EPO: variants seen among roughly 807,000 people sequenced by gnomAD.
EPO encodes epoetin.
A neutral mutation model predicts 24.4 loss-of-function variants in EPO; 12 were observed. The ratio of observed to expected loss-of-function variants is 0.49; its 90% confidence interval spans 0.32 to 0.80. The LOEUF (loss-of-function observed/expected upper bound fraction) is 0.80, where lower values mean the gene tolerates loss of function less well. Among genes scored for constraint, EPO ranks in the 30% least tolerant of loss-of-function variants. EPO has a pLI of 0.04. For missense variants in EPO, 210 were observed against 238.0 expected (o/e 0.88, Z 0.77); for synonymous variants, 107 against 104.0 (o/e 1.03, Z -0.18).
chr7:100,723,413 C>T lies in EPO; in HGVS notation c.*280C>T, dbSNP rs1286779112. ...CAGGGACAGAGCCATGCTGGGAAGA[C>T]GCCTGAGCTCACTCGGCACCCTGCA... On this transcript the variant is annotated 3_prime_UTR_variant, in exon 5 of 5. Coordinates refer to ENST00000252723, the MANE Select transcript of EPO (RefSeq NM_000799.4). 2 of 325,246 alleles carry T rather than the reference C, an allele frequency of 6.1e-6. No homozygotes were observed. The highest frequency in any genetic ancestry group is 1.1e-5 in the Non-Finnish European group (2 of 177,288). 20.1% of individuals were successfully genotyped at this position (325,246 alleles called of 1,614,324 possible).
chr7:100,721,626 G>T lies in EPO; in HGVS notation c.82G>T (p.Ala28Ser), dbSNP rs1056593813. The T allele has an allele frequency of 6.2e-7, 1 of 1,613,784 alleles. No homozygotes were observed. The highest frequency in any genetic ancestry group is 8.5e-7 in the Non-Finnish European group (1 of 1,180,012). Residue 28 changes from alanine to serine, a missense_variant, in exon 2 of 5, where the codon GCC becomes TCC. Coordinates refer to ENST00000252723, the MANE Select transcript of EPO (RefSeq NM_000799.4). The surrounding 1 kb of genome is among the most constrained non-coding windows in gnomAD (Gnocchi z 4.0). ...SLPLGLPVLG[A>S]PPRLICDSRV... Reference sequence around the variant, plus strand: ...CCCTCTGGGCCTCCCAGTCCTGGGCGCCCCACCACGCCTCATCTGTGACAG... The same window carrying T: ...CCCTCTGGGCCTCCCAGTCCTGGGCTCCCCACCACGCCTCATCTGTGACAG...
Position 100,723,186 on chromosome 7 carries a change from T to A in EPO, c.*53T>A. ...CCACCTCCCTCACCAACATTGCTTGTGCCACACCCTCCCCCGCCACTCCTG... is the reference window on the plus strand; with the variant it reads ...CCACCTCCCTCACCAACATTGCTTGAGCCACACCCTCCCCCGCCACTCCTG... On this transcript the variant is annotated 3_prime_UTR_variant, in exon 5 of 5. Transcript: ENST00000252723. The A allele has an allele frequency of 1.3e-6, 2 of 1,557,038 alleles. No homozygotes were observed. Among genetic ancestry groups the A allele is most frequent in the Non-Finnish European group, 1.7e-6 (2 of 1,151,894 alleles).
rs551748179 is a variant in EPO at position 100,722,776 on chromosome 7, T to C, written c.359T>C (p.Leu120Pro). The C allele has an allele frequency of 3.7e-6, 6 of 1,614,074 alleles. 1 individual carries two copies. The South Asian group carries it at 6.6e-5, about 18-fold the overall frequency. Residue 120 changes from leucine to proline, a missense_variant, in exon 4 of 5, where the codon CTG becomes CCG. Physicochemically the swap from Leu to Pro is moderately conservative, Grantham distance 98 (BLOSUM62 -3). Transcript: ENST00000252723. ...NSSQPWEPLQLHVDKAVSGLR... is the reference protein window; with the variant it reads ...NSSQPWEPLQPHVDKAVSGLR... ...TCCCAGCCGTGGGAGCCCCTGCAGCTGCATGTGGATAAAGCCGTCAGTGGC... is the reference window on the plus strand; with the variant it reads ...TCCCAGCCGTGGGAGCCCCTGCAGCCGCATGTGGATAAAGCCGTCAGTGGC...
Position 100,721,105 on chromosome 7 carries a change from T to C in EPO, c.13+112T>C. 8.7e-6 allele frequency: 3 copies of C among 344,014 alleles called. No individual in the cohort carries two copies. The highest frequency in any genetic ancestry group is 2.4e-5 in the African/African-American group (1 of 42,338). The allele number at this position is 344,014 out of a possible 1,614,324, so 21.3% of individuals were successfully genotyped here. ...GCTGGGTTCAAGGACCGGCGACTTG[T>C]CAAGGACCCCGGAAGGGGGAGGGGG... On this transcript the variant is annotated intron_variant, in intron 1 of 4. Transcript: ENST00000252723. This position sits in a 1 kb window ranked among gnomAD's most constrained non-coding sequence, Gnocchi z 4.0.
Position 100,720,935 on chromosome 7 carries a change from A to T in EPO, c.-46A>T, listed in dbSNP as rs756641457. On this transcript the variant is annotated 5_prime_UTR_variant, in exon 1 of 5. Transcript: ENST00000252723. ...CGGGATGAGGGCCCCCGGTGTGGTC[A>T]CCCGGCGCGCCCCAGGTCGCTGAGG... 1 of 1,537,852 alleles carries T rather than the reference A, an allele frequency of 6.5e-7. No individual in the cohort carries two copies. The highest frequency in any genetic ancestry group is 2.0e-5 in the Admixed American group (1 of 50,834).
chr7:100,720,808 C>A lies in EPO; in HGVS notation c.-173C>A. 1 of 720,234 alleles carries A rather than the reference C, an allele frequency of 1.4e-6. No individual in the cohort carries two copies. Among genetic ancestry groups the A allele is most frequent in the Non-Finnish European group, 2.0e-6 (1 of 503,386 alleles). The allele number at this position is 720,234 out of a possible 1,614,324, so 44.6% of individuals were successfully genotyped here. A position where few individuals can be genotyped will look rare whatever the true frequency, so the allele number is the denominator to read the frequency against. On this transcript the variant is annotated 5_prime_UTR_variant, in exon 1 of 5. Coordinates refer to ENST00000252723, the MANE Select transcript of EPO (RefSeq NM_000799.4). ...CCGCACCGCGCTGTCCTCCCGGAGC[C>A]GGACCGGGGCCACCGCGCCCGCTCT...
rs2131439844 is a variant in EPO at position 100,720,812 on chromosome 7, C to A, written c.-169C>A. ...ACCGCGCTGTCCTCCCGGAGCCGGA[C>A]CGGGGCCACCGCGCCCGCTCTGCTC... On this transcript the variant is annotated 5_prime_UTR_variant, in exon 1 of 5. Coordinates refer to ENST00000252723, the MANE Select transcript of EPO (RefSeq NM_000799.4). The A allele has an allele frequency of 1.3e-6, 1 of 761,600 alleles. No individual in the cohort carries two copies. Among genetic ancestry groups the A allele is most frequent in the Non-Finnish European group, 1.9e-6 (1 of 540,354 alleles). The allele number at this position is 761,600 out of a possible 1,614,324, so 47.2% of individuals were successfully genotyped here. A position where few individuals can be genotyped will look rare whatever the true frequency, so the allele number is the denominator to read the frequency against.
In EPO at chr7:100,721,744, C is replaced by A. The variant is rs372329986; in HGVS notation, c.159+41C>A. The A allele has an allele frequency of 2.9e-4, 465 of 1,581,628 alleles. 2 individuals carry two copies. Among genetic ancestry groups the A allele is most frequent in the Non-Finnish European group, 3.5e-4 (409 of 1,168,370 alleles). ...CAGCACATTCCACAGAACTCACGCT[C>A]AGGGCTTCAGGGAACTCCTCCCAGA... is the stretch of plus-strand genomic sequence containing the variant. On this transcript the variant is annotated intron_variant, in intron 2 of 4. Coordinates refer to ENST00000252723, the MANE Select transcript of EPO (RefSeq NM_000799.4). This position sits in a 1 kb window ranked among gnomAD's most constrained non-coding sequence, Gnocchi z 4.0.
In EPO at chr7:100,722,794, T is replaced by C. The variant is rs1440136608; in HGVS notation, c.377T>C (p.Val126Ala). The C allele has an allele frequency of 6.2e-7, 1 of 1,613,894 alleles. No homozygotes were observed. Among genetic ancestry groups the C allele is most frequent in the Non-Finnish European group, 8.5e-7 (1 of 1,179,998 alleles). The change falls in exon 4 of 5, where the codon GTC becomes GCC. Residue 126 changes from valine (V) to alanine (A), a missense_variant. Coordinates refer to ENST00000252723, the MANE Select transcript of EPO (RefSeq NM_000799.4). ...EPLQLHVDKA[V>A]SGLRSLTTLL... ...CTGCAGCTGCATGTGGATAAAGCCG[T>C]CAGTGGCCTTCGCAGCCTCACCACT...
In EPO at chr7:100,721,316, G is replaced by A. The variant is rs1418314871; in HGVS notation, c.14-242G>A. Among the ~76,000 whole-genome samples the A allele has an allele frequency of 6.6e-6, 1 of 152,194 alleles. No homozygotes were observed. The highest frequency in any genetic ancestry group is 2.4e-5 in the African/African-American group (1 of 41,464). On this transcript the variant is annotated intron_variant, in intron 1 of 4. Transcript: ENST00000252723. This position sits in a 1 kb window ranked among gnomAD's most constrained non-coding sequence, Gnocchi z 4.0. ...CTGGAGCCACCACTTATCTGCCAGA[G>A]GGGAAGCCTCTGTCACACCAGGATT...
At position 100,722,852 on chromosome 7, in the gene EPO, G is replaced by A; in HGVS notation, c.426+9G>A. 1.9e-6 allele frequency: 3 copies of A among 1,612,456 alleles called. No homozygotes were observed. The highest frequency in any genetic ancestry group is 1.7e-5 in the Admixed American group (1 of 59,652). ...GGGCTCTGGGAGCCCAGGTGAGTAGGAGCGGACACTTCTGCTTGCCCTTTC... is the reference window on the plus strand; with the variant it reads ...GGGCTCTGGGAGCCCAGGTGAGTAGAAGCGGACACTTCTGCTTGCCCTTTC... On this transcript the variant is annotated intron_variant, in intron 4 of 4. Transcript: ENST00000252723.
Position 100,720,712 on chromosome 7 carries a change from C to A in EPO, c.-269C>A, listed in dbSNP as rs1003790679. 2.7e-6 allele frequency: 1 copy of A among 375,778 alleles called. No homozygotes were observed. Among genetic ancestry groups the A allele is most frequent in the Non-Finnish European group, 4.7e-6 (1 of 213,588 alleles). The allele number at this position is 375,778 out of a possible 1,614,324, so 23.3% of individuals were successfully genotyped here. The stretch of plus-strand genomic sequence containing the variant: ...ACCCCCACCCGCGCACGCACACATG[C>A]AGATAACAGCCCCGACCCCCGGCCA... On this transcript the variant is annotated 5_prime_UTR_variant, in exon 1 of 5. Transcript: ENST00000252723.
Position 100,720,864 on chromosome 7 carries a change from CCT to C in EPO, c.-113_-112del. The C allele has an allele frequency of 7.9e-7, 1 of 1,262,108 alleles. No individual in the cohort carries two copies. Among genetic ancestry groups the C allele is most frequent in the South Asian group, 2.0e-5 (1 of 50,978 alleles). 78.2% of individuals were successfully genotyped at this position (1,262,108 alleles called of 1,614,324 possible). A position where few individuals can be genotyped will look rare whatever the true frequency, so the allele number is the denominator to read the frequency against. ...GACACCGCGCCCCCTGGACAGCCGCCCTCTCCTCCAGGCCCGTGGGGCTGGCC... is the reference window on the plus strand; with the variant it reads ...GACACCGCGCCCCCTGGACAGCCGCCCTCCTCCAGGCCCGTGGGGCTGGCC... On this transcript the variant is annotated 5_prime_UTR_variant, in exon 1 of 5. An upstream open reading frame in the 5' UTR gains an earlier in-frame stop. Coordinates refer to ENST00000252723, the MANE Select transcript of EPO (RefSeq NM_000799.4).
rs376745626 is a variant in EPO, at chr7:100,722,827, G to A, written c.410G>A (p.Arg137Gln). 6.8e-6 allele frequency: 11 copies of A among 1,613,092 alleles called. No homozygotes were observed. The highest frequency in any genetic ancestry group is 2.2e-5 in the East Asian group (1 of 44,846). Residue 137 changes from arginine to glutamine, a missense_variant, in exon 4 of 5, where the codon CGG becomes CAG. Transcript: ENST00000252723. ...SGLRSLTTLL[R>Q]ALGAQKEAIS... ...CTTCGCAGCCTCACCACTCTGCTTC[G>A]GGCTCTGGGAGCCCAGGTGAGTAGG...
At position 100,722,072 on chromosome 7, in the gene EPO, T is replaced by C. The variant is rs753721695; in HGVS notation, c.246+24T>C. 54 of 1,473,462 alleles carry C rather than the reference T, an allele frequency of 3.7e-5. No homozygotes were observed. The South Asian group carries it at 3.8e-4, about 10-fold the overall frequency. The allele number at this position is 1,473,462 out of a possible 1,614,324, so 91.3% of individuals were successfully genotyped here. A position where few individuals can be genotyped will look rare whatever the true frequency, so the allele number is the denominator to read the frequency against. ...AGGTGAGTTCCTTTTTTTTTTTTTT[T>C]CCTTTCTTTTGGAGAATCTCATTTG... is the stretch of plus-strand genomic sequence containing the variant. On this transcript the variant is annotated intron_variant, in intron 3 of 4. Transcript: ENST00000252723.
chr7:100,721,709 AC>A lies in EPO; in HGVS notation c.159+10del, dbSNP rs1243092358. ...AGGAGGCCGAGAATATCACGGTGAGACCCCTTCCCCAGCACATTCCACAGAA... is the reference window on the plus strand; with the variant it reads ...AGGAGGCCGAGAATATCACGGTGAGACCCTTCCCCAGCACATTCCACAGAA... On this transcript the variant is annotated splice_region_variant and intron_variant, in intron 2 of 4. Transcript: ENST00000252723. The surrounding 1 kb of genome is among the most constrained non-coding windows in gnomAD (Gnocchi z 4.0). 7.5e-6 allele frequency: 12 copies of A among 1,606,940 alleles called. No homozygotes were observed. Among genetic ancestry groups the A allele is most frequent in the Non-Finnish European group, 8.5e-6 (10 of 1,179,540 alleles).
In EPO at chr7:100,720,974, C is replaced by A; in HGVS notation, c.-7C>A. ...AGGTCGCTGAGGGACCCCGGCCAGG[C>A]GCGGAGATGGGGGTGCACGGTGAGT... On this transcript the variant is annotated 5_prime_UTR_variant, in exon 1 of 5. Coordinates refer to ENST00000252723, the MANE Select transcript of EPO (RefSeq NM_000799.4). 2 of 1,573,078 alleles carry A rather than the reference C, an allele frequency of 1.3e-6. No individual in the cohort carries two copies. The highest frequency in any genetic ancestry group is 2.7e-5 in the African/African-American group (2 of 73,388).
At position 100,723,162 on chromosome 7, in the gene EPO, C is replaced by A; in HGVS notation, c.*29C>A. 6.3e-7 allele frequency: 1 copy of A among 1,597,998 alleles called. No individual in the cohort carries two copies. The highest frequency in any genetic ancestry group is 8.5e-7 in the Non-Finnish European group (1 of 1,171,214). The stretch of plus-strand genomic sequence containing the variant: ...GGTGTGTCCACCTGGGCATATCCAC[C>A]ACCTCCCTCACCAACATTGCTTGTG... On this transcript the variant is annotated 3_prime_UTR_variant, in exon 5 of 5. Transcript: ENST00000252723.
chr7:100,722,513 TCAC>T (rs1313397432), intron 3 of EPO, 148 bp from the exon 4 acceptor site: 43 of 456,998 alleles, frequency 9.4e-5, no homozygotes, highest in African/African-American at 5.3e-4. Flanking sequence ...ATTCATTCAC[TCAC>T]TCACTCACTC....
Sources: allele counts gnomAD v4.1 joint callset (sites outside exome capture counted in the v4.1 genomes callset), GRCh38; gene constraint gnomAD v4.1.1; non-coding constraint Gnocchi (gnomAD v3.1); transcripts MANE v1.5; gene names NCBI Gene and HGNC (gene_info 2026-07-23, HGNC 2026-07-21).